The following HADHA variants were observed in gnomAD, a reference collection of about 807,000 sequenced individuals.
HADHA encodes the protein trifunctional enzyme subunit alpha, mitochondrial.
A neutral mutation model predicts 91.3 loss-of-function variants in HADHA; 59 were observed. The ratio of observed to expected loss-of-function variants is 0.65; its 90% CI spans 0.52 to 0.80. HADHA has a LOEUF of 0.80. Among genes scored for constraint, HADHA ranks in the 30% least tolerant of loss-of-function variants. HADHA has a pLI of 0.00. For missense variants in HADHA, 800 were observed against 927.6 expected, an observed-to-expected ratio of 0.86 and a Z score of 1.79; for synonymous variants, 320 against 338.9, an observed-to-expected ratio of 0.94 and a Z score of 0.61.
Position 26,204,266 on chromosome 2 carries a change from C to T in HADHA, c.1086-70G>A, listed in dbSNP as rs1257684645. 12 of 1,415,052 alleles carry T rather than the reference C, an allele frequency of 8.5e-6. 1 individual carries two copies. The highest frequency in any genetic ancestry group is 3.3e-5 in the Admixed American group (2 of 59,756). 87.7% of individuals were successfully genotyped at this position (1,415,052 alleles called of 1,614,324 possible). A position where few individuals can be genotyped will look rare whatever the true frequency, so the allele number is the denominator to read the frequency against. On this transcript the variant is annotated intron_variant, in intron 11 of 19. Coordinates refer to ENST00000380649, the MANE Select transcript of HADHA (RefSeq NM_000182.5). The stretch of plus-strand genomic sequence containing the variant: ...CATTTCAGTCAAAGTGGAAGATTGC[C>T]TAAGTTATTCAATAAACCAACTAAT...
rs766652519 is a variant in HADHA at position 26,201,092 on chromosome 2, ATC to A, written c.1392+55_1392+56del. Reference sequence around the variant, plus strand: ...TTCCTATAGCTCCTTTAAAAAAAAAATCTCTGTGTTTTCTGTTCACTACACTA... The same window carrying A: ...TTCCTATAGCTCCTTTAAAAAAAAAATCTGTGTTTTCTGTTCACTACACTA... On this transcript the variant is annotated intron_variant, in intron 13 of 19. Transcript: ENST00000380649. The A allele has an allele frequency of 1.3e-5, 18 of 1,337,108 alleles. No homozygotes were observed. In the South Asian group the frequency reaches 1.4e-4, roughly 10 times the overall value. The allele number at this position is 1,337,108 out of a possible 1,614,324, so 82.8% of individuals were successfully genotyped here.
rs546587475 is a variant in HADHA at position 26,239,354 on chromosome 2, C to G, written c.68-211G>C. Among the ~76,000 whole-genome samples the G allele has an allele frequency of 1.3e-3, 199 of 152,290 alleles. 1 individual carries two copies. The highest frequency in any genetic ancestry group is 2.4e-3 in the Non-Finnish European group (162 of 68,034). On this transcript the variant is annotated intron_variant, in intron 1 of 19. Coordinates refer to ENST00000380649, the MANE Select transcript of HADHA (RefSeq NM_000182.5). ...ATACTAAAAGAGGAAGACTGGCCCC[C>G]ACAAAGGGATATACATCCCCAGAAC...
Position 26,195,167 on chromosome 2 carries a change from C to T in HADHA, c.1545G>A (p.Glu515=), listed in dbSNP as rs574789930. The change falls in exon 15 of 20, where the codon GAG becomes GAA. Residue 515 remains glutamate, a synonymous_variant. Transcript: ENST00000380649. The part of the protein sequence containing the change: ...KMQLLEIITT[E]KTSKDTSASA... ...AAGCACTGGTGTCTTTGGAAGTTTT[C>T]TCGGTCGTGATAATCTCCAGCAGCT... 3 of 1,612,572 alleles carry T rather than the reference C, an allele frequency of 1.9e-6. No individual in the cohort carries two copies. The African/African-American group carries it at 4.0e-5, about 22-fold the overall frequency.
chr2:26,243,896 G>C (rs985342563), intron 1 of HADHA, among the ~76,000 whole-genome samples: 1 of 152,226 alleles, frequency 6.6e-6, no homozygotes. Context: ...TTAAGGTAGA[G>C]GTATTAGCGT....
chr2:26,239,037 T>C, intron 2 of HADHA, 33 bp from the exon 3 acceptor site: 1 of 1,566,198 alleles, frequency 6.4e-7, no homozygotes. Flanking sequence ...TTTGTAAACA[T>C]ATTTATTGCA....
chr2:26,191,667 A>G (rs1669509691), intron 18 of HADHA, 39 bp from the exon 19 acceptor site: 1 of 1,605,608 alleles, frequency 6.2e-7, no homozygotes, highest in Admixed American at 1.7e-5. Flanking sequence ...AAGAAGAGGA[A>G]AAGGGGAGGA....
At chr2:26,198,104 A>G (rs116656538) in intron 13 of HADHA, among the ~76,000 whole-genome samples, 71 of 152,216 alleles carry the variant, frequency 4.7e-4, no homozygotes, top group African/African-American at 1.6e-3. Context: ...TTGAATTGCA[A>G]TTCATTGATT....
At position 26,236,874 on chromosome 2, in the gene HADHA, T is replaced by C. The variant is rs767029431; in HGVS notation, c.295A>G (p.Ile99Val). Residue 99 changes from isoleucine (I) to valine (V), a missense_variant, in exon 4 of 20, where the codon ATT becomes GTT. Physicochemically the swap from Ile to Val is conservative, Grantham distance 29 (BLOSUM62 3). Transcript: ENST00000380649. The part of the protein sequence containing the change: ...VLISSKPGCF[I>V]AGADINMLAA... ...ACTTACTTGATATCAGCACCTGCAATAAAGCAGCCTGGCTTTGATGAGATA... is the reference window on the plus strand; with the variant it reads ...ACTTACTTGATATCAGCACCTGCAACAAAGCAGCCTGGCTTTGATGAGATA... 1 of 1,612,338 alleles carries C rather than the reference T, an allele frequency of 6.2e-7. No individual in the cohort carries two copies. Among genetic ancestry groups the C allele is most frequent in the Admixed American group, 1.7e-5 (1 of 60,026 alleles).
At chr2:26,238,809 C>G in intron 3 of HADHA, 125 bp downstream of exon 3, 1 of 757,808 alleles carries the variant, frequency 1.3e-6, no homozygotes, top group Non-Finnish European at 2.4e-6. Context: ...ACTGTCAAAA[C>G]TGTAAATTCA....
chr2:26,241,477 C>CA (rs141836425), intron 1 of HADHA, among the ~76,000 whole-genome samples: 19,250 of 136,766 alleles, frequency 0.14, 1,401 homozygotes, highest in Non-Finnish European at 0.17. Context: ...ACAACAACAA[C>CA]AAAAAAAAAA....
chr2:26,223,418 G>A (rs1014812725), intron 7 of HADHA, among the ~76,000 whole-genome samples: 4 of 152,174 alleles, frequency 2.6e-5, no homozygotes, highest in Admixed American at 2.6e-4. Context: ...TGGCCTAGAA[G>A]ACATTTTAGG....
intron 1 of HADHA, among the ~76,000 whole-genome samples, chr2:26,243,634 G>A (rs1670979334): frequency 6.6e-6 from 1 of 152,072 alleles, no homozygotes; most frequent in African/African-American, 2.4e-5. Flanking sequence ...GGGAAGAGAG[G>A]TAATTCATAT....
chr2:26,197,681 C>T lies in HADHA; in HGVS notation c.1479+10G>A. ...AAACATCTCAGGGTTTTTCTCTGTT[C>T]CGAGTTTACCTTCTCAGGTCTTTTG... On this transcript the variant is annotated intron_variant, in intron 14 of 19. Transcript: ENST00000380649. 1 of 1,253,188 alleles carries T rather than the reference C, an allele frequency of 8.0e-7. No homozygotes were observed. The highest frequency in any genetic ancestry group is 1.2e-6 in the Non-Finnish European group (1 of 850,036). The allele number at this position is 1,253,188 out of a possible 1,614,324, so 77.6% of individuals were successfully genotyped here. A position where few individuals can be genotyped will look rare whatever the true frequency, so the allele number is the denominator to read the frequency against.
intron 6 of HADHA, 32 bp from the exon 7 acceptor site, chr2:26,230,326 G>A: frequency 7.9e-7 from 1 of 1,265,048 alleles, no homozygotes; most frequent in Non-Finnish European, 1.2e-6. Flanking sequence ...GAATATAGGG[G>A]GAAAAAAATC....
At chr2:26,207,282 T>C (rs2147764914) in intron 11 of HADHA, among the ~76,000 whole-genome samples, 1 of 151,934 alleles carries the variant, frequency 6.6e-6, no homozygotes, top group South Asian at 2.1e-4. Flanking sequence ...TTATGATAAT[T>C]TTTTTGAAAG....
At chr2:26,238,332 C>T (rs541679674) in intron 3 of HADHA, among the ~76,000 whole-genome samples, 54 of 152,236 alleles carry the variant, frequency 3.5e-4, no homozygotes, top group African/African-American at 1.3e-3. Flanking sequence ...AGTAAGAATA[C>T]ACCAAATTTA....
At chr2:26,218,576 T>C (rs1670295095) in intron 7 of HADHA, among the ~76,000 whole-genome samples, 1 of 152,216 alleles carries the variant, frequency 6.6e-6, no homozygotes, top group Admixed American at 6.5e-5. Context: ...GAGATAATTA[T>C]CTAAAACAAA....
chr2:26,203,957 T>C (rs1217574131), intron 12 of HADHA, 105 bp downstream of exon 12: 4 of 1,103,612 alleles, frequency 3.6e-6, no homozygotes, highest in African/African-American at 1.5e-5. Context: ...GAATCCGTGA[T>C]GGCAAGAACA....
chr2:26,195,110 C>A lies in HADHA; in HGVS notation c.1602G>T (p.Lys534Asn), dbSNP rs1295883913. ...SAVAVGLKQG[K>N]VIIVVKDGPG... ...CCCTTACCTTAACCACAATGATGAC[C>A]TTCCCCTGCTTGAGACCAACTGCTA... Residue 534 changes from lysine to asparagine, a missense_variant, in exon 15 of 20, where the codon AAG becomes AAT. Coordinates refer to ENST00000380649, the MANE Select transcript of HADHA (RefSeq NM_000182.5). The A allele has an allele frequency of 6.2e-7, 1 of 1,613,584 alleles. No individual in the cohort carries two copies. Among genetic ancestry groups the A allele is most frequent in the South Asian group, 1.1e-5 (1 of 91,050 alleles).
Sources: allele counts gnomAD v4.1 joint callset (sites outside exome capture counted in the v4.1 genomes callset), GRCh38; gene constraint gnomAD v4.1.1; transcripts MANE v1.5; gene names NCBI Gene and HGNC (gene_info 2026-07-23, HGNC 2026-07-21).